Variants in C8orf34 observed in about 807,000 individuals in gnomAD.
The protein encoded by C8orf34 is uncharacterized protein C8orf34.
In C8orf34, 65 loss-of-function variants were observed where a neutral mutation model predicts 68.3. That is an observed-to-expected ratio of 0.95 (90% CI 0.78 to 1.17). The LOEUF is 1.17. Among genes scored for constraint, C8orf34 ranks in the 50% most tolerant of loss-of-function variants. C8orf34 has a pLI of 0.00. For missense variants in C8orf34, 664 were observed against 655.4 expected, an observed-to-expected ratio of 1.01 and a Z score of -0.14; for synonymous variants, 244 against 241.2, an observed-to-expected ratio of 1.01 and a Z score of -0.11.
chr8:68,534,375 A>G, intron 7 of C8orf34: 2 of 960,244 alleles, frequency 2.1e-6, no homozygotes, highest in South Asian at 9.6e-5. Flanking sequence ...CTGAGCACTT[A>G]CTCTATGCTA....
chr8:68,802,530 T>C (rs1824361920), intron 12 of C8orf34, among the ~76,000 whole-genome samples: 1 of 152,132 alleles, frequency 6.6e-6, no homozygotes, highest in African/African-American at 2.4e-5. Flanking sequence ...AGACAAGTTC[T>C]GTCTCTTGCT....
intron 4 of C8orf34, among the ~76,000 whole-genome samples, chr8:68,475,508 G>A (rs2129630440): frequency 1.3e-5 from 2 of 152,226 alleles, no homozygotes; most frequent in South Asian, 2.1e-4. Flanking sequence ...CCCCTAGTCA[G>A]GCTTTCTTCA....
At chr8:68,561,617 A>C (rs1816430531) in intron 7 of C8orf34, among the ~76,000 whole-genome samples, 1 of 151,820 alleles carries the variant, frequency 6.6e-6, no homozygotes, top group Admixed American at 6.6e-5. Context: ...AATTAGCTGG[A>C]CGTGGTGGCA....
At chr8:68,431,536 G>T (rs1164594130) in intron 1 of C8orf34, among the ~76,000 whole-genome samples, 1 of 152,174 alleles carries the variant, frequency 6.6e-6, no homozygotes, top group Non-Finnish European at 1.5e-5. Context: ...TAGTTGAGGA[G>T]TGTAATCCTT....
chr8:68,680,015 C>T (rs147705448), intron 8 of C8orf34, among the ~76,000 whole-genome samples: 1 of 152,082 alleles, frequency 6.6e-6, no homozygotes. Context: ...CTGGACTGGG[C>T]AAAAATATCT....
intron 4 of C8orf34, among the ~76,000 whole-genome samples, chr8:68,472,203 A>C (rs1443128356): frequency 6.6e-6 from 1 of 152,158 alleles, no homozygotes; most frequent in Non-Finnish European, 1.5e-5. Flanking sequence ...ATGACGAAGT[A>C]GGCATAGTGG....
chr8:68,360,756 C>CTTTTTTTTTTTTTTTTT (rs397955906), intron 1 of C8orf34, among the ~76,000 whole-genome samples: 1 of 134,756 alleles, frequency 7.4e-6, no homozygotes. Flanking sequence ...TTCTTCCTTT[C>CTTTTTTTTTTTTTTTTT]TTTTTTTTTT....
intron 12 of C8orf34, among the ~76,000 whole-genome samples, chr8:68,804,933 T>G (rs919731332): frequency 6.6e-6 from 1 of 152,228 alleles, no homozygotes; most frequent in Admixed American, 6.5e-5. Context: ...TGGCAAAACC[T>G]ACATATAAGG....
chr8:68,695,536 T>C (rs1307286793), intron 8 of C8orf34: 1 of 152,196 alleles, frequency 6.6e-6, no homozygotes, highest in Non-Finnish European at 1.5e-5. Context: ...TGCTTAAATT[T>C]CTGACATTCT....
intron 5 of C8orf34, among the ~76,000 whole-genome samples, chr8:68,519,928 G>T (rs1009806225): frequency 6.6e-6 from 1 of 152,134 alleles, no homozygotes; most frequent in Non-Finnish European, 1.5e-5. Context: ...TCAAAAACAT[G>T]TCTTCACAGT....
chr8:68,631,277 T>A (rs1317468891), intron 7 of C8orf34, among the ~76,000 whole-genome samples: 2 of 151,388 alleles, frequency 1.3e-5, no homozygotes, highest in African/African-American at 4.9e-5. Flanking sequence ...TAAAAATAAA[T>A]AAATAAGTAA....
chr8:68,537,474 T>TA (rs1815526444), intron 7 of C8orf34, among the ~76,000 whole-genome samples: 1 of 145,882 alleles, frequency 6.9e-6, no homozygotes. Flanking sequence ...CTTTTTTTTT[T>TA]TAAAGAGATC....
At chr8:68,369,701 C>A (rs541904387) in intron 1 of C8orf34, among the ~76,000 whole-genome samples, 2 of 151,578 alleles carry the variant, frequency 1.3e-5, no homozygotes, top group Non-Finnish European at 2.9e-5. Context: ...CAACAGCAAA[C>A]CAGAAGCTGT....
chr8:68,514,030 G>T (rs1203562867), intron 5 of C8orf34, among the ~76,000 whole-genome samples: 3 of 152,194 alleles, frequency 2.0e-5, no homozygotes, highest in Admixed American at 6.5e-5. Flanking sequence ...CAAAAATGTT[G>T]CAGGACTTTT....
In C8orf34 at chr8:68,445,757, T is replaced by G. The variant is rs138466276; in HGVS notation, c.476-572T>G. 2.1e-3 allele frequency among the ~76,000 whole-genome samples: 318 copies of G among 152,322 alleles called. 1 individual carries two copies. Among genetic ancestry groups the G allele is most frequent in the African/African-American group, 6.9e-3 (288 of 41,570 alleles). On this transcript the variant is annotated intron_variant, in intron 2 of 13. Coordinates refer to ENST00000518698, the MANE Select transcript of C8orf34 (RefSeq NM_052958.4). ...TGACATTCATAGAATGTTATTTTAA[T>G]TGATCGGAACCCCCGCCTGAAAAAC...
intron 6 of C8orf34, chr8:68,525,552 G>A (rs533474826): frequency 4.4e-5 from 40 of 909,384 alleles, no homozygotes; most frequent in South Asian, 1.6e-4. Context: ...CCTCCTGTGT[G>A]TCTTCGTCTT....
chr8:68,586,582 C>G (rs1007008257), intron 7 of C8orf34, among the ~76,000 whole-genome samples: 1 of 152,164 alleles, frequency 6.6e-6, no homozygotes, highest in African/African-American at 2.4e-5. Flanking sequence ...ACACACTGCT[C>G]TGTTTCCTGG....
At chr8:68,465,990 A>G (rs1812112047) in intron 3 of C8orf34, among the ~76,000 whole-genome samples, 1 of 150,970 alleles carries the variant, frequency 6.6e-6, no homozygotes, top group Admixed American at 6.6e-5. Context: ...AAATTCTAAT[A>G]AAAAAAGAAA....
intron 1 of C8orf34, among the ~76,000 whole-genome samples, chr8:68,403,103 C>T (rs1398149757): frequency 6.6e-6 from 1 of 152,146 alleles, no homozygotes; most frequent in Non-Finnish European, 1.5e-5. Flanking sequence ...CCAACTTGAC[C>T]TAGAACAGAC....
Sources: allele counts gnomAD v4.1 joint callset (sites outside exome capture counted in the v4.1 genomes callset), GRCh38; gene constraint gnomAD v4.1.1; transcripts MANE v1.5; gene names NCBI Gene and HGNC (gene_info 2026-07-23, HGNC 2026-07-21).